Variants in GRIA4 observed in about 807,000 individuals in gnomAD.
GRIA4 encodes glutamate ionotropic receptor AMPA type subunit 4, also known as glutamate receptor 4.
A neutral mutation model predicts 104.0 loss-of-function variants in GRIA4; 34 were observed. The observed-to-expected ratio is 0.33, with a 90% CI of 0.25 to 0.44. GRIA4 has a LOEUF of 0.44. Among genes scored for constraint, GRIA4 ranks in the 20% least tolerant of loss-of-function variants. The pLI, the probability that GRIA4 is intolerant of heterozygous loss-of-function variation, is 1.00. For missense variants in GRIA4, 750 were observed against 1,096.5 expected, an observed-to-expected ratio of 0.68 and a Z score of 4.46; for synonymous variants, 386 against 381.9, an observed-to-expected ratio of 1.01 and a Z score of -0.13.
intron 3 of GRIA4, among the ~76,000 whole-genome samples, chr11:105,696,830 T>A (rs561775354): frequency 1.6e-4 from 25 of 151,808 alleles, no homozygotes; most frequent in African/African-American, 5.3e-4. Flanking sequence ...AGTGGTGTGA[T>A]CTCTACTCAC....
chr11:105,731,578 T>C (rs1938590662), intron 3 of GRIA4, among the ~76,000 whole-genome samples: 1 of 152,172 alleles, frequency 6.6e-6, no homozygotes, highest in Non-Finnish European at 1.5e-5. Context: ...CTTGCACACG[T>C]ATGTTTATTG....
At chr11:105,680,210 G>A (rs940989008) in intron 3 of GRIA4, among the ~76,000 whole-genome samples, 4 of 152,052 alleles carry the variant, frequency 2.6e-5, no homozygotes, top group Admixed American at 6.6e-5. Flanking sequence ...GCAGAGTCTC[G>A]TAAGGACACA....
intron 4 of GRIA4, among the ~76,000 whole-genome samples, chr11:105,790,180 T>A (rs1482802537): frequency 1.4e-4 from 22 of 152,154 alleles, no homozygotes; most frequent in Non-Finnish European, 2.9e-5. Flanking sequence ...ACAAGCTGGG[T>A]GGGAACTTCT....
intron 5 of GRIA4, among the ~76,000 whole-genome samples, chr11:105,871,993 A>G (rs1945635395): frequency 6.6e-6 from 1 of 152,128 alleles, no homozygotes; most frequent in African/African-American, 2.4e-5. Flanking sequence ...TGTATGTGAA[A>G]GTTAAGGAAG....
chr11:105,804,374 A>ACAC (rs1942856293), intron 4 of GRIA4, among the ~76,000 whole-genome samples: 2 of 151,606 alleles, frequency 1.3e-5, no homozygotes, highest in Non-Finnish European at 2.9e-5. Flanking sequence ...ACACACACAC[A>ACAC]CACGCACTAG....
At chr11:105,910,571 T>C (rs749945245) in intron 10 of GRIA4, 26 bp downstream of exon 10, 3 of 1,188,760 alleles carry the variant, frequency 2.5e-6, no homozygotes, top group Non-Finnish European at 3.8e-6. Flanking sequence ...TGCTTTATGG[T>C]GTTCCGTTTT....
intron 3 of GRIA4, among the ~76,000 whole-genome samples, chr11:105,642,537 GAAAAAAAAAAA>G (rs34987277): frequency 6.9e-5 from 5 of 72,448 alleles, no homozygotes; most frequent in Non-Finnish European, 1.2e-4. Context: ...CAATTTTAAT[GAAAAAAAAAAA>G]AAAAAAAAAA....
intron 9 of GRIA4, among the ~76,000 whole-genome samples, chr11:105,909,162 T>G (rs1335376353): frequency 6.6e-6 from 1 of 152,192 alleles, no homozygotes; most frequent in Non-Finnish European, 1.5e-5. Flanking sequence ...GTTATTGAAT[T>G]ATATATGCAA....
chr11:105,676,727 G>A (rs1213000483), intron 3 of GRIA4, among the ~76,000 whole-genome samples: 1 of 151,650 alleles, frequency 6.6e-6, no homozygotes, highest in Non-Finnish European at 1.5e-5. Flanking sequence ...TGAAAACAAA[G>A]TTCAATAGAA....
intron 3 of GRIA4, among the ~76,000 whole-genome samples, chr11:105,717,492 G>T (rs540672671): frequency 6.6e-6 from 1 of 151,640 alleles, no homozygotes; most frequent in African/African-American, 2.4e-5. Flanking sequence ...TTAATCCCAT[G>T]ATATATGTTT....
intron 13 of GRIA4, among the ~76,000 whole-genome samples, chr11:105,927,317 T>C (rs372114885): frequency 1.3e-5 from 2 of 152,128 alleles, no homozygotes; most frequent in African/African-American, 4.8e-5. Flanking sequence ...GTTTGAAGAA[T>C]ACATTCAACT....
chr11:105,969,927 G>T (rs146974678), intron 14 of GRIA4, among the ~76,000 whole-genome samples: 1 of 152,260 alleles, frequency 6.6e-6, no homozygotes, highest in Admixed American at 6.5e-5. Context: ...CAAAGGATTT[G>T]CAGGTCACTA....
chr11:105,966,159 A>G (rs2136273603), intron 14 of GRIA4: 1 of 802,202 alleles, frequency 1.2e-6, no homozygotes, highest in Middle Eastern at 2.3e-4. Context: ...TACCAGTCGA[A>G]TTGCTAGTCC....
chr11:105,957,348 G>C (rs540291137), intron 14 of GRIA4, among the ~76,000 whole-genome samples: 19 of 151,566 alleles, frequency 1.3e-4, no homozygotes, highest in African/African-American at 2.7e-4. Context: ...GTTTTCCCAG[G>C]ACCATTTATT....
At chr11:105,885,877 T>C (rs1392786649) in intron 5 of GRIA4, among the ~76,000 whole-genome samples, 3 of 152,212 alleles carry the variant, frequency 2.0e-5, no homozygotes, top group African/African-American at 4.8e-5. Context: ...TATTGCAGTA[T>C]CTATTAGAAG....
chr11:105,824,769 T>C (rs1943705192), intron 4 of GRIA4: 1 of 152,128 alleles, frequency 6.6e-6, no homozygotes, highest in Non-Finnish European at 1.5e-5. Context: ...AAGGCTAGCC[T>C]TATCTTTGAA....
chr11:105,958,718 A>C (rs144955313), intron 14 of GRIA4, among the ~76,000 whole-genome samples: 2 of 152,184 alleles, frequency 1.3e-5, no homozygotes, highest in East Asian at 3.9e-4. Context: ...CCTCTGGTAG[A>C]ATTCGGTATG....
chr11:105,780,314 T>C (rs1208179914), intron 4 of GRIA4, among the ~76,000 whole-genome samples: 1 of 152,194 alleles, frequency 6.6e-6, no homozygotes, highest in Non-Finnish European at 1.5e-5. Flanking sequence ...CCAAGGACCC[T>C]GAGTATCTAA....
chr11:105,934,106 T>A, intron 14 of GRIA4, 137 bp downstream of exon 14: 1 of 785,124 alleles, frequency 1.3e-6, no homozygotes, highest in South Asian at 2.0e-5. Flanking sequence ...CCATTTCATA[T>A]ATTTTGGTCA....
Sources: allele counts gnomAD v4.1 joint callset (sites outside exome capture counted in the v4.1 genomes callset), GRCh38; gene constraint gnomAD v4.1.1; transcripts MANE v1.5; gene names NCBI Gene and HGNC (gene_info 2026-07-23, HGNC 2026-07-21).